The following HDHD2 variants were observed in gnomAD, a reference collection of about 807,000 sequenced individuals.
HDHD2 encodes haloacid dehalogenase-like hydrolase domain-containing protein 2.
HDHD2 carries 26 observed loss-of-function variants against 24.8 expected under a neutral mutation model. The ratio of observed to expected loss-of-function variants is 1.05; its 90% CI spans 0.77 to 1.45. The LOEUF (loss-of-function observed/expected upper bound fraction) is 1.45, where lower values mean the gene tolerates loss of function less well. Ranked by LOEUF, HDHD2 falls within the 40% of genes most tolerant of loss-of-function variation. The probability of loss-of-function intolerance (pLI) is 0.00; values close to 1 mark genes in which losing one functional copy is unlikely to be tolerated. For synonymous variants in HDHD2, 128 were observed against 114.9 expected (o/e 1.11, Z -0.73); for missense variants, 299 against 313.4 (o/e 0.95, Z 0.35).
In HDHD2 at chr18:47,136,454, G is replaced by A. The variant is rs763012924; in HGVS notation, c.-10-5C>T. On this transcript the variant is annotated splice_region_variant and splice_polypyrimidine_tract_variant and intron_variant, in intron 1 of 6. Coordinates refer to ENST00000300605, the MANE Select transcript of HDHD2 (RefSeq NM_032124.5). ...CATGCTGCCATCCTTCATTCCCTAG[G>A]AGAGAGCAAATGAAATTAAAAATAC... 6.2e-7 allele frequency: 1 copy of A among 1,609,596 alleles called. No homozygotes were observed. The highest frequency in any genetic ancestry group is 8.5e-7 in the Non-Finnish European group (1 of 1,178,814).
chr18:47,114,800 T>C (rs1429469750), intron 5 of HDHD2, among the ~76,000 whole-genome samples: 2 of 151,978 alleles, frequency 1.3e-5, no homozygotes, highest in Admixed American at 6.6e-5. Flanking sequence ...TTTAAAGCAT[T>C]CAATTGACTT....
intron 2 of HDHD2, among the ~76,000 whole-genome samples, chr18:47,134,907 T>C (rs542875733): frequency 1.4e-4 from 21 of 152,358 alleles, no homozygotes; most frequent in African/African-American, 5.0e-4. Flanking sequence ...AAAAGATTTT[T>C]CTTTCAATCT....
intron 1 of HDHD2, chr18:47,136,987 A>C (rs991405646): frequency 1.7e-6 from 1 of 589,756 alleles, no homozygotes; most frequent in African/African-American, 1.8e-5. Flanking sequence ...TCTTTTGTGA[A>C]GTGGCAGCTG....
chr18:47,149,236 T>C (rs1372635253), intron 1 of HDHD2: 1 of 152,158 alleles, frequency 6.6e-6, no homozygotes, highest in Non-Finnish European at 1.5e-5. Flanking sequence ...CATCTAAATA[T>C]ATATTATGGC....
intron 5 of HDHD2, 113 bp downstream of exon 5, chr18:47,115,019 T>C (rs1599924288): frequency 8.3e-6 from 6 of 726,716 alleles, no homozygotes; most frequent in South Asian, 1.7e-5. Context: ...TTTATATATA[T>C]ACTGTCCACA....
intron 6 of HDHD2, chr18:47,111,927 A>G (rs62096469): frequency 0.071 from 28,602 of 404,114 alleles, 1,158 homozygotes; most frequent in East Asian, 0.13. Context: ...AGCCAATTAA[A>G]TAGTTTTACT....
chr18:47,141,666 T>C (rs1275909204), intron 1 of HDHD2, among the ~76,000 whole-genome samples: 1 of 152,230 alleles, frequency 6.6e-6, no homozygotes, highest in African/African-American at 2.4e-5. Context: ...GCTAAAATTG[T>C]TTTAGCTTTG....
At chr18:47,136,528 T>C (rs1479336850) in intron 1 of HDHD2, 79 bp from the exon 2 acceptor site, 2 of 1,160,004 alleles carry the variant, frequency 1.7e-6, no homozygotes, top group African/African-American at 3.1e-5. Flanking sequence ...TTCAAAAATA[T>C]CACTCATATC....
chr18:47,132,352 A>G (rs1052511779), intron 3 of HDHD2, among the ~76,000 whole-genome samples: 3 of 152,148 alleles, frequency 2.0e-5, no homozygotes, highest in African/African-American at 7.2e-5. Context: ...CTTCTGATGA[A>G]TATTTGGGTT....
chr18:47,132,591 G>A (rs951445159), intron 3 of HDHD2, among the ~76,000 whole-genome samples: 1 of 152,128 alleles, frequency 6.6e-6, no homozygotes, highest in African/African-American at 2.4e-5. Flanking sequence ...CAGCAAAGTT[G>A]GTTTCTGTTT....
chr18:47,144,643 A>G (rs2063850485), intron 1 of HDHD2, among the ~76,000 whole-genome samples: 1 of 151,972 alleles, frequency 6.6e-6, no homozygotes, highest in African/African-American at 2.4e-5. Flanking sequence ...CCCATAAATA[A>G]AATCAAATAG....
At chr18:47,125,065 G>A (rs755725063) in intron 4 of HDHD2, among the ~76,000 whole-genome samples, 1 of 152,152 alleles carries the variant, frequency 6.6e-6, no homozygotes, top group Non-Finnish European at 1.5e-5. Flanking sequence ...GGGAGGCTAA[G>A]GCAGGAGGAC....
At chr18:47,143,530 T>C (rs1568062662) in intron 1 of HDHD2, among the ~76,000 whole-genome samples, 1 of 152,218 alleles carries the variant, frequency 6.6e-6, no homozygotes. Flanking sequence ...AGTGTTCTAG[T>C]AGAGTTATTT....
chr18:47,143,546 G>C (rs985318183), intron 1 of HDHD2, among the ~76,000 whole-genome samples: 1 of 152,116 alleles, frequency 6.6e-6, no homozygotes, highest in Non-Finnish European at 1.5e-5. Flanking sequence ...TATTTTTCCA[G>C]TTAACTGAAG....
At chr18:47,124,301 C>T (rs114384802) in intron 4 of HDHD2, among the ~76,000 whole-genome samples, 292 of 152,194 alleles carry the variant, frequency 1.9e-3, no homozygotes, top group African/African-American at 6.7e-3. Flanking sequence ...TGAACTACAT[C>T]AAAATTAAGA....
intron 1 of HDHD2, among the ~76,000 whole-genome samples, chr18:47,139,338 G>A (rs1169272852): frequency 3.3e-5 from 5 of 151,222 alleles, no homozygotes; most frequent in African/African-American, 9.7e-5. Context: ...TGGTGGCGGC[G>A]CGTGTAGTCC....
intron 1 of HDHD2, among the ~76,000 whole-genome samples, chr18:47,141,983 G>C (rs958959018): frequency 1.3e-5 from 2 of 152,144 alleles, no homozygotes; most frequent in Non-Finnish European, 2.9e-5. Context: ...GTTTAATAAA[G>C]AGCAGTTCCC....
intron 4 of HDHD2, among the ~76,000 whole-genome samples, chr18:47,118,271 G>A (rs1440419688): frequency 6.6e-6 from 1 of 152,086 alleles, no homozygotes; most frequent in Non-Finnish European, 1.5e-5. Context: ...AAGGAATATA[G>A]ATCATTCTAT....
chr18:47,108,860 G>A, intron 6 of HDHD2, 75 bp from the exon 7 acceptor site: 1 of 818,786 alleles, frequency 1.2e-6, no homozygotes, highest in African/African-American at 1.7e-5. Flanking sequence ...TGAGCACCTG[G>A]GTCATCACAG....
Sources: allele counts gnomAD v4.1 joint callset (sites outside exome capture counted in the v4.1 genomes callset), GRCh38; gene constraint gnomAD v4.1.1; transcripts MANE v1.5; gene names NCBI Gene and HGNC (gene_info 2026-07-23, HGNC 2026-07-21).